ZNF654: variants seen among roughly 807,000 people sequenced by gnomAD.
ZNF654 encodes melanoma-associated antigen.
A neutral mutation model predicts 95.3 loss-of-function variants in ZNF654; 19 were observed. That is an observed-to-expected ratio of 0.20 (90% CI 0.14 to 0.29). ZNF654 has a LOEUF of 0.29. Among genes scored for constraint, ZNF654 ranks in the 10% least tolerant of loss-of-function variants. The pLI, the probability that ZNF654 is intolerant of heterozygous loss-of-function variation, is 1.00. For synonymous variants in ZNF654, 413 were observed against 457.9 expected (o/e 0.90, Z 1.25); for missense variants, 1,046 against 1,341.0 (o/e 0.78, Z 3.44).
chr3:88,111,971 T>C (rs1705116312), intron 2 of ZNF654, among the ~76,000 whole-genome samples: 1 of 152,012 alleles, frequency 6.6e-6, no homozygotes, highest in Non-Finnish European at 1.5e-5. Flanking sequence ...AAATATTCTC[T>C]TGCAGTTTTC....
rs1707139416 is a variant in ZNF654 at position 88,141,624 on chromosome 3, CA to C, written c.3380-20del. 1.4e-6 allele frequency: 2 copies of C among 1,474,370 alleles called. No homozygotes were observed. The highest frequency in any genetic ancestry group is 1.8e-6 in the Non-Finnish European group (2 of 1,094,396). 91.3% of individuals were successfully genotyped at this position (1,474,370 alleles called of 1,614,324 possible). On this transcript the variant is annotated intron_variant, in intron 8 of 8. Transcript: ENST00000636215. ...CGAATGTCAATAAAACTTGCATTAACAGATGTGTTCTGTTTTACAGGTGCCT... is the reference window on the plus strand; with the variant it reads ...CGAATGTCAATAAAACTTGCATTAACGATGTGTTCTGTTTTACAGGTGCCT...
intron 2 of ZNF654, among the ~76,000 whole-genome samples, chr3:88,103,189 C>A (rs6551271): frequency 0.78 from 119,073 of 151,954 alleles, 47,558 homozygotes; most frequent in South Asian, 0.91. Flanking sequence ...AAAGAGACCC[C>A]CTATTAAGAG....
In ZNF654 at chr3:88,140,779, C is replaced by T; in HGVS notation, c.3110C>T (p.Thr1037Ile). The change falls in exon 8 of 9, where the codon ACT becomes ATT. Residue 1037 changes from threonine to isoleucine, a missense_variant. This residue lies in a region of ZNF654 where 495 missense variants were observed against 537.0 expected (regional missense o/e 0.92). Transcript: ENST00000636215. Reference sequence around the variant, plus strand: ...AAACCAAATCTGACAAGTGAACATACTTCATATGGCTTAATTTTAACAAAA... The same window carrying T: ...AAACCAAATCTGACAAGTGAACATATTTCATATGGCTTAATTTTAACAAAA... Reference protein sequence around the residue: ...PSKPNLTSEHTSYGLILTKPY... With the variant: ...PSKPNLTSEHISYGLILTKPY... 5 of 1,613,724 alleles carry T rather than the reference C, an allele frequency of 3.1e-6. No homozygotes were observed. The highest frequency in any genetic ancestry group is 4.2e-6 in the Non-Finnish European group (5 of 1,179,726).
chr3:88,085,284 A>G (rs1267856491), intron 1 of ZNF654, among the ~76,000 whole-genome samples: 1 of 152,210 alleles, frequency 6.6e-6, no homozygotes, highest in African/African-American at 2.4e-5. Context: ...TCTTTCTGTC[A>G]CAACTACTGA....
At chr3:88,085,552 T>A (rs535785892) in intron 1 of ZNF654, among the ~76,000 whole-genome samples, 1 of 152,348 alleles carries the variant, frequency 6.6e-6, no homozygotes, top group African/African-American at 2.4e-5. Flanking sequence ...TATAATATAT[T>A]GTTTTAATAC....
intron 1 of ZNF654, among the ~76,000 whole-genome samples, chr3:88,065,305 C>A (rs567440005): frequency 6.6e-6 from 1 of 151,970 alleles, no homozygotes; most frequent in African/African-American, 2.4e-5. Flanking sequence ...TCCTTAATGC[C>A]TTTATAGGTT....
chr3:88,068,046 G>A (rs986883791), intron 1 of ZNF654, among the ~76,000 whole-genome samples: 17 of 152,094 alleles, frequency 1.1e-4, no homozygotes, highest in African/African-American at 3.4e-4. Context: ...CAAGTGGAGG[G>A]GTGTTGCTTT....
intron 1 of ZNF654, among the ~76,000 whole-genome samples, chr3:88,083,781 A>G (rs1708199241): frequency 6.6e-6 from 1 of 152,136 alleles, no homozygotes; most frequent in Non-Finnish European, 1.5e-5. Flanking sequence ...CATTATGTTA[A>G]TGGCAACCTA....
chr3:88,065,764 C>T (rs768963496), intron 1 of ZNF654, among the ~76,000 whole-genome samples: 9 of 152,068 alleles, frequency 5.9e-5, no homozygotes, highest in African/African-American at 1.2e-4. Flanking sequence ...CTGGCTGTGT[C>T]GCTCAGGCTG....
Position 88,139,599 on chromosome 3 carries a change from A to G in ZNF654, c.1930A>G (p.Thr644Ala). Residue 644 changes from threonine (T) to alanine (A), a missense_variant, in exon 8 of 9, where the codon ACT becomes GCT. Transcript: ENST00000636215. ...DSKDLEVETLTASSEGNKEVI... is the reference protein window; with the variant it reads ...DSKDLEVETLAASSEGNKEVI... ...TAAGGATTTGGAAGTGGAGACACTT[A>G]CTGCTTCTAGTGAAGGAAACAAAGA... The G allele has an allele frequency of 6.2e-7, 1 of 1,613,804 alleles. No individual in the cohort carries two copies. The highest frequency in any genetic ancestry group is 8.5e-7 in the Non-Finnish European group (1 of 1,179,776).
intron 3 of ZNF654, among the ~76,000 whole-genome samples, chr3:88,116,800 T>G (rs1441064767): frequency 6.6e-6 from 1 of 152,154 alleles, no homozygotes; most frequent in East Asian, 1.9e-4. Flanking sequence ...TAGGCCATGA[T>G]CTACTAAATT....
chr3:88,124,482 A>G (rs1466501167), intron 3 of ZNF654, among the ~76,000 whole-genome samples: 1 of 152,216 alleles, frequency 6.6e-6, no homozygotes, highest in Non-Finnish European at 1.5e-5. Context: ...TAAAACAAGT[A>G]AAACCTCTTT....
At chr3:88,123,027 GTAAAA>G (rs1488723382) in intron 3 of ZNF654, among the ~76,000 whole-genome samples, 2 of 143,396 alleles carry the variant, frequency 1.4e-5, no homozygotes, top group African/African-American at 5.2e-5. Context: ...AAAAAAAAAA[GTAAAA>G]AGAAAAAAAG....
At chr3:88,135,250 C>A in intron 7 of ZNF654, 48 bp downstream of exon 7, 1 of 1,315,936 alleles carries the variant, frequency 7.6e-7, no homozygotes, top group Non-Finnish European at 9.8e-7. Flanking sequence ...AGTGACAGTT[C>A]ACTGAAACTT....
intron 6 of ZNF654, among the ~76,000 whole-genome samples, chr3:88,130,062 T>A (rs1400897165): frequency 6.6e-6 from 1 of 152,204 alleles, no homozygotes; most frequent in African/African-American, 2.4e-5. Context: ...AAACAGTGGT[T>A]TGAAATTAAA....
intron 1 of ZNF654, among the ~76,000 whole-genome samples, chr3:88,084,341 C>A (rs1270471415): frequency 6.6e-6 from 1 of 152,108 alleles, no homozygotes; most frequent in African/African-American, 2.4e-5. Flanking sequence ...CTGTCAGGTA[C>A]CTATTTTTTA....
chr3:88,141,611 A>C (rs765739373), intron 8 of ZNF654, 34 bp from the exon 9 acceptor site: 204 of 1,437,472 alleles, frequency 1.4e-4, no homozygotes, highest in Non-Finnish European at 1.6e-4. Flanking sequence ...AATGTCAATA[A>C]AACTTGCATT....
At chr3:88,107,996 T>G (rs1196669997) in intron 2 of ZNF654, among the ~76,000 whole-genome samples, 2 of 152,094 alleles carry the variant, frequency 1.3e-5, no homozygotes, top group Non-Finnish European at 2.9e-5. Context: ...CATTTTTTTT[T>G]GTTTATATTG....
At chr3:88,102,397 A>G (rs1704478832) in intron 2 of ZNF654, among the ~76,000 whole-genome samples, 1 of 151,908 alleles carries the variant, frequency 6.6e-6, no homozygotes, top group South Asian at 2.1e-4. Context: ...CTGTACCTTT[A>G]TTTTCCCATT....
Sources: allele counts gnomAD v4.1 joint callset (sites outside exome capture counted in the v4.1 genomes callset), GRCh38; gene constraint gnomAD v4.1.1; regional missense constraint gnomAD v4.1.1; transcripts MANE v1.5; gene names NCBI Gene and HGNC (gene_info 2026-07-23, HGNC 2026-07-21).